ELMOD1: variants seen among roughly 807,000 people sequenced by gnomAD.
ELMOD1 encodes the protein ELMO domain containing 1, also known as ELMO domain-containing protein 1.
In ELMOD1, 21 loss-of-function variants were observed where a neutral mutation model predicts 46.7. The observed-to-expected ratio is 0.45, with a 90% CI of 0.32 to 0.65. The LOEUF (loss-of-function observed/expected upper bound fraction) is 0.65. Among genes scored for constraint, ELMOD1 ranks in the 30% least tolerant of loss-of-function variants. The pLI is 0.04. For missense variants in ELMOD1, 348 were observed against 407.8 expected, an observed-to-expected ratio of 0.85 and a Z score of 1.26; for synonymous variants, 122 against 138.2, an observed-to-expected ratio of 0.88 and a Z score of 0.82.
chr11:107,607,396 C>A (rs775531442), intron 1 of ELMOD1, among the ~76,000 whole-genome samples: 1 of 152,304 alleles, frequency 6.6e-6, no homozygotes, highest in East Asian at 1.9e-4. Context: ...TGGCTCATGC[C>A]TGTAATTCCA....
intron 2 of ELMOD1, among the ~76,000 whole-genome samples, chr11:107,619,117 C>T (rs185846152): frequency 9.3e-4 from 142 of 152,226 alleles, no homozygotes; most frequent in Non-Finnish European, 1.6e-3. Context: ...CACTGCCCCC[C>T]ACCCCAGTGG....
intron 11 of ELMOD1, among the ~76,000 whole-genome samples, chr11:107,662,102 G>A (rs933642805): frequency 6.6e-6 from 1 of 152,210 alleles, no homozygotes; most frequent in Admixed American, 6.5e-5. Context: ...GTGAAATACA[G>A]GGCAACAGAT....
intron 1 of ELMOD1, 52 bp downstream of exon 1, chr11:107,591,461 G>C (rs992427243): frequency 1.6e-5 from 3 of 189,882 alleles, no homozygotes; most frequent in African/African-American, 7.1e-5. Context: ...TGCCCTTGGG[G>C]AGGAGAGAGG....
intron 6 of ELMOD1, among the ~76,000 whole-genome samples, chr11:107,647,225 A>G (rs1041086217): frequency 2.0e-5 from 3 of 152,150 alleles, no homozygotes; most frequent in Non-Finnish European, 2.9e-5. Context: ...CCTTCTGGAA[A>G]GGTCCTGGGA....
rs368294270 is a variant in ELMOD1, at chr11:107,606,825, A to C, written c.-85-11280A>C. Among the ~76,000 whole-genome samples, 258 of 152,332 alleles carry C rather than the reference A, an allele frequency of 1.7e-3. 5 individuals carry two copies. The highest frequency in any genetic ancestry group is 0.016 in the South Asian group (77 of 4,828). Reference sequence around the variant, plus strand: ...TAAAGCAAGACTCTGTCTCAAAAAAAAAAACCTACATCGGTTTCAGTTACC... The same window carrying C: ...TAAAGCAAGACTCTGTCTCAAAAAACAAAACCTACATCGGTTTCAGTTACC... On this transcript the variant is annotated intron_variant, in intron 1 of 11. Transcript: ENST00000265840.
chr11:107,657,004 A>G (rs551723828), intron 11 of ELMOD1, among the ~76,000 whole-genome samples: 1 of 152,322 alleles, frequency 6.6e-6, no homozygotes, highest in South Asian at 2.1e-4. Flanking sequence ...AGGAAGGGGA[A>G]TCAAAGAAAT....
At chr11:107,643,822 G>T in intron 6 of ELMOD1, 1 of 311,282 alleles carries the variant, frequency 3.2e-6, no homozygotes, top group Non-Finnish European at 6.6e-6. Flanking sequence ...GTCAGGCCAG[G>T]TGCCCAGCCT....
intron 2 of ELMOD1, among the ~76,000 whole-genome samples, chr11:107,627,871 C>T (rs1304800801): frequency 6.6e-6 from 1 of 152,172 alleles, no homozygotes; most frequent in African/African-American, 2.4e-5. Context: ...AGTTCTGCCA[C>T]ACAGACTTAA....
intron 6 of ELMOD1, among the ~76,000 whole-genome samples, chr11:107,646,845 A>G (rs1277708660): frequency 1.3e-5 from 2 of 152,024 alleles, no homozygotes; most frequent in Non-Finnish European, 2.9e-5. Context: ...AATCTGAATA[A>G]TAGGTGGTCT....
chr11:107,633,637 T>C (rs1866179558), intron 5 of ELMOD1, among the ~76,000 whole-genome samples: 1 of 152,140 alleles, frequency 6.6e-6, no homozygotes, highest in Non-Finnish European at 1.5e-5. Context: ...TTTACCGTGT[T>C]GGCCAGGCTG....
intron 11 of ELMOD1, among the ~76,000 whole-genome samples, chr11:107,660,268 C>A (rs183815522): frequency 3.1e-4 from 47 of 152,182 alleles, no homozygotes; most frequent in African/African-American, 1.1e-3. Flanking sequence ...AGTCAGAGAG[C>A]CAAATTAGTA....
intron 1 of ELMOD1, among the ~76,000 whole-genome samples, chr11:107,599,755 A>AAAAAAAAAAAAAAAAAG (rs1555058610): frequency 7.2e-6 from 1 of 138,824 alleles, no homozygotes; most frequent in African/African-American, 3.0e-5. Flanking sequence ...AAAAAAAGAA[A>AAAAAAAAAAAAAAAAAG]AAAAGAAAAG....
At chr11:107,597,522 G>C (rs1485711958) in intron 1 of ELMOD1, among the ~76,000 whole-genome samples, 1 of 152,138 alleles carries the variant, frequency 6.6e-6, no homozygotes, top group African/African-American at 2.4e-5. Context: ...CAAAGAGAGA[G>C]AATGCTTTTA....
intron 1 of ELMOD1, among the ~76,000 whole-genome samples, chr11:107,612,373 G>A (rs924727098): frequency 7.2e-5 from 11 of 152,086 alleles, no homozygotes; most frequent in African/African-American, 9.7e-5. Context: ...AGGGAGGAGG[G>A]GAGCAAAGGT....
chr11:107,602,440 C>G (rs1241424382), intron 1 of ELMOD1, among the ~76,000 whole-genome samples: 3 of 152,110 alleles, frequency 2.0e-5, no homozygotes, highest in Admixed American at 6.5e-5. Flanking sequence ...TTCTTTCTCT[C>G]TAGAATATCT....
At chr11:107,607,419 G>T (rs1865703972) in intron 1 of ELMOD1, among the ~76,000 whole-genome samples, 2 of 152,186 alleles carry the variant, frequency 1.3e-5, no homozygotes, top group Non-Finnish European at 2.9e-5. Context: ...ACTTTGGGAG[G>T]CTGAGGCAGG....
At chr11:107,617,269 T>C (rs1446803676) in intron 1 of ELMOD1, among the ~76,000 whole-genome samples, 1 of 152,240 alleles carries the variant, frequency 6.6e-6, no homozygotes, top group Non-Finnish European at 1.5e-5. Context: ...GCTGTTCTAG[T>C]TGGCAATGTG....
chr11:107,637,464 G>T (rs80271063), intron 6 of ELMOD1, among the ~76,000 whole-genome samples: 1 of 152,010 alleles, frequency 6.6e-6, no homozygotes, highest in African/African-American at 2.4e-5. Context: ...AGGCTGAGGC[G>T]GGTGGATCAC....
intron 5 of ELMOD1, 28 bp from the exon 6 acceptor site, chr11:107,635,608 G>A (rs1346289437): frequency 1.2e-6 from 2 of 1,602,948 alleles, no homozygotes; most frequent in South Asian, 1.1e-5. Flanking sequence ...TCTTCCTTGT[G>A]TGTCTCTTCT....
Sources: allele counts gnomAD v4.1 joint callset (sites outside exome capture counted in the v4.1 genomes callset), GRCh38; gene constraint gnomAD v4.1.1; transcripts MANE v1.5; gene names NCBI Gene and HGNC (gene_info 2026-07-23, HGNC 2026-07-21).